The following DLG1 variants were observed in gnomAD, a reference collection of about 807,000 sequenced individuals.
The protein encoded by DLG1 is disks large homolog 1.
Under a neutral mutation model 123.4 loss-of-function variants are expected in DLG1, and 42 were observed. The observed-to-expected ratio is 0.34, with a 90% confidence interval of 0.27 to 0.44. The LOEUF (loss-of-function observed/expected upper bound fraction) is 0.44, where lower values mean the gene tolerates loss of function less well. Among genes scored for constraint, DLG1 ranks in the 20% least tolerant of loss-of-function variants. The probability of loss-of-function intolerance (pLI) is 1.00; values close to 1 mark genes in which losing one functional copy is unlikely to be tolerated. For missense variants in DLG1, 942 were observed against 1,082.6 expected (o/e 0.87, Z 1.82); for synonymous variants, 317 against 356.2 (o/e 0.89, Z 1.24).
At chr3:197,231,481 G>A (rs953815007) in intron 4 of DLG1, among the ~76,000 whole-genome samples, 14 of 152,028 alleles carry the variant, frequency 9.2e-5, no homozygotes, top group East Asian at 3.9e-4. Flanking sequence ...CGGGCGGGTC[G>A]CTTAAGCTCA....
Position 197,119,422 on chromosome 3 carries a change from T to A in DLG1, c.1274A>T (p.Asp425Val). ...SPVSKAVLGD[D>V]EITREPRKVV... is the part of the protein sequence containing the mutation. The stretch of plus-strand genomic sequence containing the variant: ...TTAACTTCCTTACCTTGTAATTTCA[T>A]CATCTCCAAGTACTGCTTTAGAAAC... Residue 425 changes from aspartate (D) to valine (V), a missense_variant, in exon 12 of 25, where the codon GAT (aspartate) becomes GTT (valine). By Grantham distance (152) the Asp-to-Val change is radical (BLOSUM62 -3). Coordinates refer to ENST00000667157, the MANE Select transcript of DLG1 (RefSeq NM_001366207.1). 1 of 1,601,974 alleles carries A rather than the reference T, an allele frequency of 6.2e-7. No homozygotes were observed. The highest frequency in any genetic ancestry group is 1.7e-5 in the Admixed American group (1 of 58,882).
chr3:197,076,705 G>T lies in DLG1; in HGVS notation c.1906-20C>A. The T allele has an allele frequency of 1.9e-6, 3 of 1,580,174 alleles. No individual in the cohort carries two copies. The highest frequency in any genetic ancestry group is 2.6e-6 in the Non-Finnish European group (3 of 1,150,390). ...TGACTGCTGAAGAAGAGAAGGAGGG[G>T]CAAAACAAAGGGATGTCTACTGTCT... On this transcript the variant is annotated intron_variant, in intron 17 of 24. Coordinates refer to ENST00000667157, the MANE Select transcript of DLG1 (RefSeq NM_001366207.1).
chr3:197,059,398 T>C (rs1734210433), intron 23 of DLG1, among the ~76,000 whole-genome samples: 1 of 152,242 alleles, frequency 6.6e-6, no homozygotes, highest in Admixed American at 6.5e-5. Flanking sequence ...AATTTACTTT[T>C]TTCTTCACCC....
intron 3 of DLG1, among the ~76,000 whole-genome samples, chr3:197,293,071 C>CA (rs1423246132): frequency 2.6e-5 from 4 of 152,134 alleles, no homozygotes; most frequent in Non-Finnish European, 5.9e-5. Context: ...CCCGTCTACT[C>CA]AAAAAATTTT....
intron 4 of DLG1, among the ~76,000 whole-genome samples, chr3:197,208,491 T>A (rs1729741296): frequency 6.8e-6 from 1 of 146,862 alleles, no homozygotes; most frequent in African/African-American, 2.4e-5. Context: ...AAACAAATAA[T>A]TAAAAACATC....
chr3:197,044,461 A>T lies in DLG1; in HGVS notation c.*162T>A, dbSNP rs1721606715. 1 of 479,488 alleles carries T rather than the reference A, an allele frequency of 2.1e-6. No homozygotes were observed. Among genetic ancestry groups the T allele is most frequent in the South Asian group, 3.7e-5 (1 of 26,684 alleles). 29.7% of individuals were successfully genotyped at this position (479,488 alleles called of 1,614,324 possible). On this transcript the variant is annotated 3_prime_UTR_variant, in exon 25 of 25. Coordinates refer to ENST00000667157, the MANE Select transcript of DLG1 (RefSeq NM_001366207.1). ...TGACATTAAATAATACACACGATGT[A>T]ACTTGAAGGAGACACTACATGTGAA...
intron 8 of DLG1, among the ~76,000 whole-genome samples, chr3:197,139,843 A>G (rs1221340202): frequency 6.6e-6 from 1 of 152,238 alleles, no homozygotes; most frequent in Non-Finnish European, 1.5e-5. Context: ...GTGTATCTGA[A>G]AACACAAAGG....
intron 10 of DLG1, among the ~76,000 whole-genome samples, chr3:197,134,081 C>G (rs1240666657): frequency 6.6e-6 from 1 of 152,108 alleles, no homozygotes; most frequent in Admixed American, 6.5e-5. Flanking sequence ...AAAACTAGTG[C>G]AACAGAAGGC....
intron 20 of DLG1, among the ~76,000 whole-genome samples, chr3:197,066,183 G>A (rs1739410881): frequency 6.6e-6 from 1 of 152,156 alleles, no homozygotes; most frequent in Non-Finnish European, 1.5e-5. Flanking sequence ...TGTAGGAAGT[G>A]ATATAATCCC....
chr3:197,287,811 T>C (rs1443504149), intron 3 of DLG1, among the ~76,000 whole-genome samples: 2 of 152,212 alleles, frequency 1.3e-5, no homozygotes, highest in Non-Finnish European at 2.9e-5. Context: ...GATAACACTC[T>C]GTATTGCTTA....
At chr3:197,105,076 T>C (rs1765621872) in intron 13 of DLG1, 71 bp from the exon 14 acceptor site, 8 of 975,046 alleles carry the variant, frequency 8.2e-6, no homozygotes, top group Non-Finnish European at 1.2e-5. Context: ...TAGTCTATTC[T>C]TTGAGTAAGC....
chr3:197,282,735 G>C lies in DLG1; in HGVS notation c.262C>G (p.Pro88Ala). 6.2e-7 allele frequency: 1 copy of C among 1,612,556 alleles called. No individual in the cohort carries two copies. The highest frequency in any genetic ancestry group is 1.1e-5 in the South Asian group (1 of 90,802). The change falls in exon 4 of 25, where the codon CCA becomes GCA. Residue 88 changes from proline to alanine, a missense_variant. Pro to Ala is a conservative substitution (Grantham distance 27, BLOSUM62 -1). Transcript: ENST00000667157. ...PVNTWEISSL[P>A]SSTVTSETLP... is the part of the protein sequence containing the mutation. ...GTCTCTGAAGTCACAGTAGAGCTTGGAAGGCTGGAAATCTCCCAAGTATTC... is the reference window on the plus strand; with the variant it reads ...GTCTCTGAAGTCACAGTAGAGCTTGCAAGGCTGGAAATCTCCCAAGTATTC...
chr3:197,150,658 T>C (rs539986206), intron 5 of DLG1, among the ~76,000 whole-genome samples: 5 of 152,228 alleles, frequency 3.3e-5, no homozygotes, highest in Non-Finnish European at 5.9e-5. Context: ...ACATTAATGG[T>C]TCTACTTCAA....
chr3:197,106,262 C>T (rs1263256645), intron 13 of DLG1, among the ~76,000 whole-genome samples: 5 of 151,968 alleles, frequency 3.3e-5, no homozygotes, highest in South Asian at 4.2e-4. Flanking sequence ...AAAAATTAGC[C>T]GGGCATGGTG....
At chr3:197,205,919 C>G (rs190489124) in intron 4 of DLG1, among the ~76,000 whole-genome samples, 5 of 152,350 alleles carry the variant, frequency 3.3e-5, no homozygotes, top group Admixed American at 6.5e-5. Context: ...CAGGCCAAGT[C>G]CTTCTCATGC....
chr3:197,275,248 A>C (rs1035887280), intron 4 of DLG1, among the ~76,000 whole-genome samples: 13 of 152,124 alleles, frequency 8.5e-5, no homozygotes, highest in African/African-American at 2.7e-4. Context: ...TATCAAAAAG[A>C]CCATAAATAA....
At chr3:197,073,527 C>T (rs971046666) in intron 18 of DLG1, among the ~76,000 whole-genome samples, 4 of 152,192 alleles carry the variant, frequency 2.6e-5, no homozygotes, top group Admixed American at 6.5e-5. Flanking sequence ...TCTAGCTTTT[C>T]GCAAATGATG....
intron 4 of DLG1, among the ~76,000 whole-genome samples, chr3:197,206,704 CTT>C (rs1236064853): frequency 6.6e-6 from 1 of 151,914 alleles, no homozygotes; most frequent in African/African-American, 2.4e-5. Flanking sequence ...ACTGCTAACA[CTT>C]TTCAGGAGAT....
chr3:197,298,697 G>A (rs1188153144), upstream of DLG1: 3 of 397,792 alleles, frequency 7.5e-6, no homozygotes, highest in African/African-American at 4.1e-5. Flanking sequence ...GGGAGAGGGA[G>A]AGGGAGGAGT....
Sources: allele counts gnomAD v4.1 joint callset (sites outside exome capture counted in the v4.1 genomes callset), GRCh38; gene constraint gnomAD v4.1.1; transcripts MANE v1.5; gene names NCBI Gene and HGNC (gene_info 2026-07-23, HGNC 2026-07-21).